Variants in FBXO36 observed in about 807,000 individuals in gnomAD.
FBXO36 encodes F-box protein 36.
FBXO36 carries 18 observed loss-of-function variants against 17.0 expected under a neutral mutation model. The ratio of observed to expected loss-of-function variants is 1.06; its 90% CI spans 0.73 to 1.57. The LOEUF is 1.57. Among genes scored for constraint, FBXO36 ranks in the 40% most tolerant of loss-of-function variants. The pLI is 0.00. For missense variants in FBXO36, 229 were observed against 221.9 expected, an observed-to-expected ratio of 1.03 and a Z score of -0.20; for synonymous variants, 83 against 85.3, an observed-to-expected ratio of 0.97 and a Z score of 0.15.
At position 229,976,198 on chromosome 2, in the gene FBXO36, T is replaced by C. The variant is rs1247684322; in HGVS notation, c.97-43T>C. On this transcript the variant is annotated intron_variant, in intron 1 of 3. Coordinates refer to ENST00000283946, the MANE Select transcript of FBXO36 (RefSeq NM_174899.5). ...CCCAAACTTAATGTAACTGTTAGTA[T>C]TGAAATCAATTTTAATTCATATCAC... is the stretch of plus-strand genomic sequence containing the variant. 4 of 1,460,886 alleles carry C rather than the reference T, an allele frequency of 2.7e-6. No homozygotes were observed. In the South Asian group the frequency reaches 3.8e-5, roughly 14 times the overall value. The allele number at this position is 1,460,886 out of a possible 1,614,324, so 90.5% of individuals were successfully genotyped here. A position where few individuals can be genotyped will look rare whatever the true frequency, so the allele number is the denominator to read the frequency against.
intron 2 of FBXO36, among the ~76,000 whole-genome samples, chr2:229,986,830 C>T (rs973107239): frequency 7.9e-5 from 12 of 151,716 alleles, no homozygotes; most frequent in African/African-American, 1.5e-4. Flanking sequence ...CCACCACACC[C>T]GGCCAAAAAG....
At chr2:229,932,257 A>G (rs2076942505) in intron 1 of FBXO36, among the ~76,000 whole-genome samples, 1 of 152,046 alleles carries the variant, frequency 6.6e-6, no homozygotes, top group Admixed American at 6.6e-5. Context: ...ACGGTGGCTT[A>G]CGCCTGTTAT....
chr2:229,994,690 T>C (rs550884215), intron 2 of FBXO36, among the ~76,000 whole-genome samples: 4 of 152,258 alleles, frequency 2.6e-5, no homozygotes, highest in African/African-American at 9.6e-5. Context: ...TAAGAGCCAT[T>C]TTTGGGAAGA....
At chr2:229,975,146 T>C (rs915190959) in intron 1 of FBXO36, among the ~76,000 whole-genome samples, 8 of 152,216 alleles carry the variant, frequency 5.3e-5, no homozygotes, top group African/African-American at 1.7e-4. Context: ...TGAAGTTTGC[T>C]TCAGATAAAC....
intron 2 of FBXO36, among the ~76,000 whole-genome samples, chr2:229,977,710 A>G (rs2077217046): frequency 6.6e-6 from 1 of 152,108 alleles, no homozygotes; most frequent in Non-Finnish European, 1.5e-5. Flanking sequence ...TCAGCCTCCC[A>G]GAGTGCTGGA....
At chr2:229,937,656 C>G (rs944761334) in intron 1 of FBXO36, among the ~76,000 whole-genome samples, 7 of 152,178 alleles carry the variant, frequency 4.6e-5, no homozygotes, top group African/African-American at 1.7e-4. Flanking sequence ...TTTTTTTCCA[C>G]TCACCCAATC....
At chr2:229,949,741 C>A (rs950979472) in intron 1 of FBXO36, among the ~76,000 whole-genome samples, 2 of 151,834 alleles carry the variant, frequency 1.3e-5, no homozygotes, top group Non-Finnish European at 2.9e-5. Context: ...CTGGCTGACA[C>A]GGTGAAACCC....
chr2:229,924,241 C>G (rs13392740), intron 1 of FBXO36, among the ~76,000 whole-genome samples: 2,540 of 152,126 alleles, frequency 0.017, 69 homozygotes, highest in African/African-American at 0.059. Context: ...TACAGGCGTG[C>G]GCCACCACAC....
At chr2:229,936,187 A>G (rs1443501394) in intron 1 of FBXO36, among the ~76,000 whole-genome samples, 4 of 152,146 alleles carry the variant, frequency 2.6e-5, no homozygotes, top group African/African-American at 9.7e-5. Flanking sequence ...CTCCGTCTCA[A>G]AAAACAAACA....
intron 1 of FBXO36, among the ~76,000 whole-genome samples, chr2:229,924,978 C>T (rs2076901039): frequency 6.6e-6 from 1 of 152,106 alleles, no homozygotes; most frequent in Non-Finnish European, 1.5e-5. Flanking sequence ...CCGTGTTAGC[C>T]AGGATGGTCT....
At chr2:229,949,924 CAAAACAAAAACA>C in intron 1 of FBXO36, among the ~76,000 whole-genome samples, 1 of 152,116 alleles carries the variant, frequency 6.6e-6, no homozygotes, top group East Asian at 1.9e-4. Flanking sequence ...GACTCCGTCT[CAAAACAAAAACA>C]AAAACAAAAA....
chr2:230,006,639 G>T (rs2077388214), intron 3 of FBXO36, among the ~76,000 whole-genome samples: 1 of 152,130 alleles, frequency 6.6e-6, no homozygotes, highest in Non-Finnish European at 1.5e-5. Flanking sequence ...TTACATTCTT[G>T]AGCAGAGCAA....
intron 1 of FBXO36, among the ~76,000 whole-genome samples, chr2:229,940,846 C>G (rs1211033416): frequency 6.6e-6 from 1 of 152,134 alleles, no homozygotes; most frequent in Non-Finnish European, 1.5e-5. Context: ...GAAATAAATT[C>G]GTGTTGTTTT....
rs1469717278 is a variant in FBXO36, at chr2:229,997,953, CT to C, written c.378+1031del. On this transcript the variant is annotated intron_variant, in intron 3 of 3. Transcript: ENST00000283946. ...ATGCTACCCCACAATCACACACATA[CT>C]ACTTTTCCATTAAATCTCTTTTTGG... Among the ~76,000 whole-genome samples the C allele has an allele frequency of 3.3e-5, 5 of 152,296 alleles. No individual in the cohort carries two copies. The East Asian group carries it at 9.7e-4, about 29-fold the overall frequency.
rs571220542 is a variant in FBXO36 at position 229,952,550 on chromosome 2, CT to C, written c.97-23690del. ...GGAGTGAAAGTCAGTAAACCAGTGG[CT>C]GAGCAAACCTCCGCCCCGACCTTTC... On this transcript the variant is annotated intron_variant, in intron 1 of 3. Coordinates refer to ENST00000283946, the MANE Select transcript of FBXO36 (RefSeq NM_174899.5). 1.1e-4 allele frequency among the ~76,000 whole-genome samples: 16 copies of C among 152,282 alleles called. 2 individuals are homozygous for C. In the South Asian group the frequency reaches 3.3e-3, roughly 32 times the overall value.
chr2:229,933,513 A>C (rs1340219325), intron 1 of FBXO36, among the ~76,000 whole-genome samples: 10 of 152,208 alleles, frequency 6.6e-5, no homozygotes, highest in Admixed American at 6.5e-4. Context: ...CTTCACAAAT[A>C]TAGTGAGAAC....
intron 1 of FBXO36, among the ~76,000 whole-genome samples, chr2:229,925,226 T>C (rs1462154216): frequency 6.6e-6 from 1 of 152,166 alleles, no homozygotes; most frequent in African/African-American, 2.4e-5. Flanking sequence ...TTAAGCATGC[T>C]GAATAAATCC....
chr2:230,000,602 C>G (rs2077353430), intron 3 of FBXO36, among the ~76,000 whole-genome samples: 2 of 151,924 alleles, frequency 1.3e-5, no homozygotes. Context: ...GTAGTTATTT[C>G]TCACGCTGAG....
At chr2:229,994,362 A>G (rs1261418960) in intron 2 of FBXO36, among the ~76,000 whole-genome samples, 1 of 152,190 alleles carries the variant, frequency 6.6e-6, no homozygotes, top group Non-Finnish European at 1.5e-5. Context: ...GAAGCAACTT[A>G]AATCCTTAAT....
Sources: gnomAD v4.1 joint callset for allele counts (sites outside exome capture counted in the v4.1 genomes callset) on GRCh38, gnomAD v4.1.1 for gene constraint, MANE v1.5 for transcripts, NCBI Gene and HGNC (gene_info 2026-07-23, HGNC 2026-07-21) for gene names.